LRP1B: variants seen among roughly 807,000 people sequenced by gnomAD.
LRP1B encodes low-density lipoprotein receptor-related protein 1B.
Under a neutral mutation model 556.6 loss-of-function variants are expected in LRP1B, and 217 were observed. The ratio of observed to expected loss-of-function variants is 0.39; its 90% CI spans 0.35 to 0.44. The LOEUF (loss-of-function observed/expected upper bound fraction) is 0.44. Among genes scored for constraint, LRP1B ranks in the 20% least tolerant of loss-of-function variants. LRP1B has a pLI of 1.00. For synonymous variants in LRP1B, 2,047 were observed against 1,865.8 expected, an observed-to-expected ratio of 1.10 and a Z score of -2.50; for missense variants, 5,053 against 5,620.8, an observed-to-expected ratio of 0.90 and a Z score of 3.23.
chr2:140,404,467 TG>T (rs1684648181), intron 66 of LRP1B, among the ~76,000 whole-genome samples: 1 of 152,032 alleles, frequency 6.6e-6, no homozygotes, highest in Non-Finnish European at 1.5e-5. Flanking sequence ...CCACCGTGCC[TG>T]GCCAGTAGAA....
intron 11 of LRP1B, among the ~76,000 whole-genome samples, chr2:141,046,349 G>C (rs1055755951): frequency 6.6e-6 from 1 of 152,082 alleles, no homozygotes; most frequent in Non-Finnish European, 1.5e-5. Context: ...AATACACATA[G>C]AATTTAATTT....
intron 3 of LRP1B, among the ~76,000 whole-genome samples, chr2:141,470,467 A>C (rs1009620956): frequency 5.3e-5 from 8 of 152,188 alleles, no homozygotes; most frequent in Non-Finnish European, 8.8e-5. Flanking sequence ...AAATGTCTTC[A>C]GTTGAAATTC....
intron 3 of LRP1B, among the ~76,000 whole-genome samples, chr2:141,327,206 G>T (rs561005873): frequency 3.4e-4 from 52 of 152,234 alleles, no homozygotes; most frequent in Admixed American, 7.8e-4. Flanking sequence ...TAATGAGTTT[G>T]ATTTTAGATC....
At chr2:141,488,843 A>C (rs1683213475) in intron 2 of LRP1B, among the ~76,000 whole-genome samples, 1 of 152,152 alleles carries the variant, frequency 6.6e-6, no homozygotes, top group South Asian at 2.1e-4. Flanking sequence ...CAAGTGCCTT[A>C]AAAATTAACT....
At chr2:140,497,597 C>T (rs1400267144) in intron 55 of LRP1B, among the ~76,000 whole-genome samples, 3 of 151,794 alleles carry the variant, frequency 2.0e-5, no homozygotes, top group South Asian at 2.1e-4. Flanking sequence ...ATTGTGTAGT[C>T]GGAAGCCAGA....
intron 3 of LRP1B, among the ~76,000 whole-genome samples, chr2:141,425,254 AT>A (rs1559063830): frequency 6.6e-6 from 1 of 151,588 alleles, no homozygotes; most frequent in East Asian, 1.9e-4. Context: ...TGAAGTCATC[AT>A]TTTTTATGGC....
chr2:141,624,015 C>CA (rs1288395812), intron 2 of LRP1B, among the ~76,000 whole-genome samples: 2,658 of 10,704 alleles, frequency 0.25, 208 homozygotes, highest in African/African-American at 0.39. Flanking sequence ...AACTCCAACT[C>CA]AAAAAAAAAA....
chr2:141,621,667 A>G (rs1574152015), intron 2 of LRP1B, among the ~76,000 whole-genome samples: 2 of 152,154 alleles, frequency 1.3e-5, no homozygotes, highest in East Asian at 3.9e-4. Context: ...TTTAGTCAGA[A>G]ATTTATGCAG....
At chr2:140,868,340 C>T (rs1477412231) in intron 25 of LRP1B, 77 bp from the exon 26 acceptor site, 64 of 1,343,320 alleles carry the variant, frequency 4.8e-5, no homozygotes, top group Middle Eastern at 2.4e-4. Context: ...GAGTGCCTAC[C>T]ATATGCTAGG....
At chr2:142,014,685 C>G (rs573632548) in intron 1 of LRP1B, among the ~76,000 whole-genome samples, 1 of 152,082 alleles carries the variant, frequency 6.6e-6, no homozygotes, top group African/African-American at 2.4e-5. Flanking sequence ...ATTGGAAGCA[C>G]GTACATTAAA....
At position 141,723,264 on chromosome 2, in the gene LRP1B, T is replaced by A. The variant is rs1425783900; in HGVS notation, c.205+87015A>T. Reference sequence around the variant, plus strand: ...GGCTTTCTCATATTGTTTCTTTTGTTTTTTTCACTGTGAACTCCCATTAAT... The same window carrying A: ...GGCTTTCTCATATTGTTTCTTTTGTATTTTTCACTGTGAACTCCCATTAAT... On this transcript the variant is annotated intron_variant, in intron 2 of 90. Coordinates refer to ENST00000389484, the MANE Select transcript of LRP1B (RefSeq NM_018557.3). Among the ~76,000 whole-genome samples the A allele has an allele frequency of 2.0e-5, 3 of 151,218 alleles. No homozygotes were observed. The East Asian group carries it at 5.8e-4, about 29-fold the overall frequency.
intron 2 of LRP1B, among the ~76,000 whole-genome samples, chr2:141,663,375 T>TA (rs920347861): frequency 4.0e-4 from 59 of 146,120 alleles, no homozygotes; most frequent in East Asian, 1.2e-3. Context: ...AGAAAACCCT[T>TA]AAAAAAAAAT....
chr2:142,002,086 C>T (rs189682290), intron 1 of LRP1B, among the ~76,000 whole-genome samples: 2 of 152,202 alleles, frequency 1.3e-5, no homozygotes, highest in Non-Finnish European at 2.9e-5. Context: ...TTAATTTCTA[C>T]GTTCTTATGC....
At chr2:140,899,159 C>A (rs997093325) in intron 23 of LRP1B, 1 of 180,632 alleles carries the variant, frequency 5.5e-6, no homozygotes, top group African/African-American at 2.4e-5. Flanking sequence ...TGACTTGGGA[C>A]CTGTTGGAGT....
intron 2 of LRP1B, among the ~76,000 whole-genome samples, chr2:141,740,025 AT>A (rs1408494827): frequency 6.6e-6 from 1 of 152,148 alleles, no homozygotes; most frequent in Non-Finnish European, 1.5e-5. Flanking sequence ...TAAAGAAAAA[AT>A]AAAACAAAAA....
intron 41 of LRP1B, among the ~76,000 whole-genome samples, chr2:140,665,699 T>C (rs981326355): frequency 3.3e-5 from 5 of 152,166 alleles, no homozygotes. Flanking sequence ...AGGTTGAATT[T>C]ACATGATGGC....
intron 5 of LRP1B, among the ~76,000 whole-genome samples, chr2:141,232,819 C>T (rs541222842): frequency 3.6e-4 from 54 of 152,112 alleles, no homozygotes; most frequent in African/African-American, 1.3e-3. Context: ...CTGCTAATTA[C>T]TAACTGTGGT....
chr2:140,796,977 C>G (rs1302449954), intron 32 of LRP1B, among the ~76,000 whole-genome samples: 1 of 151,774 alleles, frequency 6.6e-6, no homozygotes, highest in Non-Finnish European at 1.5e-5. Flanking sequence ...GACATTCTCA[C>G]AAAAGTCAGG....
chr2:140,884,826 C>T (rs1289571477), intron 24 of LRP1B, among the ~76,000 whole-genome samples: 1 of 152,166 alleles, frequency 6.6e-6, no homozygotes, highest in African/African-American at 2.4e-5. Flanking sequence ...GATTCTCCTA[C>T]TTCAGCCTCC....
Sources: allele counts gnomAD v4.1 joint callset (sites outside exome capture counted in the v4.1 genomes callset), GRCh38; gene constraint gnomAD v4.1.1; transcripts MANE v1.5; gene names NCBI Gene and HGNC (gene_info 2026-07-23, HGNC 2026-07-21).